Variants in STK40 observed in about 807,000 individuals in gnomAD.
STK40 encodes serine/threonine-protein kinase 40.
Under a neutral mutation model 47.9 loss-of-function variants are expected in STK40, and 13 were observed. The ratio of observed to expected loss-of-function variants is 0.27; its 90% CI spans 0.18 to 0.43. STK40 has a LOEUF of 0.43. Among genes scored for constraint, STK40 ranks in the 20% least tolerant of loss-of-function variants. The pLI is 1.00. For synonymous variants in STK40, 225 were observed against 243.2 expected (o/e 0.93, Z 0.69); for missense variants, 460 against 595.1 (o/e 0.77, Z 2.36).
intron 1 of STK40, among the ~76,000 whole-genome samples, chr1:36,379,342 C>T (rs555104392): frequency 3.3e-5 from 5 of 152,110 alleles, no homozygotes; most frequent in African/African-American, 4.8e-5. Context: ...CCTGAACTCA[C>T]ACCCAAGACT....
At position 36,340,627 on chromosome 1, in the gene STK40, G is replaced by C. The variant is rs1570428420; in HGVS notation, c.*1128C>G. 6.5e-6 allele frequency: 1 copy of C among 152,956 alleles called. No individual in the cohort carries two copies. The highest frequency in any genetic ancestry group is 2.1e-4 in the South Asian group (1 of 4,824). The allele number at this position is 152,956 out of a possible 1,614,324, so 9.5% of individuals were successfully genotyped here. On this transcript the variant is annotated 3_prime_UTR_variant, in exon 11 of 11. Transcript: ENST00000373132. ...GACGGGCATCCACTTCAAAATCTCG[G>C]CTCAAAAGGGCAGCAGGGCTGTTCT...
intron 2 of STK40, 95 bp downstream of exon 2, chr1:36,361,126 C>A (rs1218249699): frequency 6.8e-7 from 1 of 1,476,658 alleles, no homozygotes; most frequent in Non-Finnish European, 9.3e-7. Context: ...GGGTGGGCCA[C>A]CTCACTCTGA....
At chr1:36,357,656 A>G (rs1045299697) in intron 4 of STK40, among the ~76,000 whole-genome samples, 5 of 151,938 alleles carry the variant, frequency 3.3e-5, no homozygotes, top group Non-Finnish European at 5.9e-5. Flanking sequence ...TCGCTCTGTC[A>G]CCCAGGCTGG....
At chr1:36,361,935 T>C (rs956215428) in intron 1 of STK40, among the ~76,000 whole-genome samples, 5 of 152,174 alleles carry the variant, frequency 3.3e-5, no homozygotes, top group Non-Finnish European at 7.3e-5. Context: ...TCCTTGACTC[T>C]CTGGTCCTCT....
intron 1 of STK40, among the ~76,000 whole-genome samples, chr1:36,376,229 C>T (rs559818038): frequency 1.2e-3 from 179 of 152,220 alleles, no homozygotes; most frequent in Non-Finnish European, 2.3e-3. Context: ...CGGCAGATCA[C>T]GAGGGCCAGC....
intron 10 of STK40, chr1:36,342,313 T>C (rs1646656854): frequency 3.0e-6 from 1 of 335,658 alleles, no homozygotes; most frequent in Non-Finnish European, 5.7e-6. Context: ...AGGCGGCTAA[T>C]GCACGTCAAG....
At chr1:36,374,780 G>A (rs865784619) in intron 1 of STK40, among the ~76,000 whole-genome samples, 52 of 152,324 alleles carry the variant, frequency 3.4e-4, no homozygotes, top group Middle Eastern at 3.4e-3. Flanking sequence ...AGTGACGGCA[G>A]ACTGAGTCAC....
Position 36,355,331 on chromosome 1 carries a change from A to G in STK40, c.445T>C (p.Phe149Leu). Residue 149 changes from phenylalanine (F) to leucine (L), a missense_variant, in exon 5 of 11, where the codon TTC becomes CTC. Physicochemically the swap from Phe to Leu is conservative, Grantham distance 22. Around this residue, in one of 3 missense-constraint regions of STK40, gnomAD observed 277 missense variants for 358.7 expected, o/e 0.77. Coordinates refer to ENST00000373132, the MANE Select transcript of STK40 (RefSeq NM_001282547.2). ...ATGAGGTCAGCGGTCTTATCGCTGA[A>G]GTCATGAGCACAGAGGCAGTCCAGG... ...LVLDCLCAHD[F>L]SDKTADLINL... The G allele has an allele frequency of 6.2e-7, 1 of 1,614,144 alleles. No individual in the cohort carries two copies. The highest frequency in any genetic ancestry group is 8.5e-7 in the Non-Finnish European group (1 of 1,180,020).
intron 1 of STK40, among the ~76,000 whole-genome samples, chr1:36,369,950 C>T (rs1207939476): frequency 2.6e-5 from 4 of 152,206 alleles, no homozygotes; most frequent in African/African-American, 7.2e-5. Context: ...AAACTCTGTC[C>T]AAGGAGGGGC....
chr1:36,371,461 G>A (rs1646946309), intron 1 of STK40, among the ~76,000 whole-genome samples: 1 of 151,718 alleles, frequency 6.6e-6, no homozygotes, highest in South Asian at 2.1e-4. Context: ...GGCTGAGGCA[G>A]GAGAATGGCG....
intron 3 of STK40, 82 bp downstream of exon 3, chr1:36,358,655 G>A (rs1327647824): frequency 2.1e-6 from 3 of 1,440,054 alleles, no homozygotes; most frequent in African/African-American, 2.8e-5. Context: ...CAATGACGCA[G>A]GTGTGAAGGT....
chr1:36,376,802 ATTT>A (rs775004601), intron 1 of STK40, among the ~76,000 whole-genome samples: 2 of 144,836 alleles, frequency 1.4e-5, no homozygotes, highest in African/African-American at 2.5e-5. Flanking sequence ...TCTAGAAGAA[ATTT>A]TTTTTTTTTT....
chr1:36,358,723 C>A lies in STK40; in HGVS notation c.198+14G>T. The A allele has an allele frequency of 1.2e-6, 2 of 1,613,842 alleles. No individual in the cohort carries two copies. Among genetic ancestry groups the A allele is most frequent in the Non-Finnish European group, 1.7e-6 (2 of 1,179,780 alleles). ...CCTGTTCCTGAGGCACCCTCACCCCCATGTCTCACTTACCTTCAGCTGATA... is the reference window on the plus strand; with the variant it reads ...CCTGTTCCTGAGGCACCCTCACCCCAATGTCTCACTTACCTTCAGCTGATA... On this transcript the variant is annotated intron_variant, in intron 3 of 10. Transcript: ENST00000373132.
At position 36,351,293 on chromosome 1, in the gene STK40, T is replaced by C. The variant is rs373006725; in HGVS notation, c.624-2478A>G. 9.5e-5 allele frequency among the ~76,000 whole-genome samples: 14 copies of C among 147,898 alleles called. No homozygotes were observed. In the East Asian group the frequency reaches 1.3e-3, roughly 14 times the overall value. ...CAGCTGCCTTGCCAACACCTCCCCC[T>C]GTCTGCTCCTTGAGAGCTCTCTGCT... On this transcript the variant is annotated intron_variant, in intron 6 of 10. Coordinates refer to ENST00000373132, the MANE Select transcript of STK40 (RefSeq NM_001282547.2).
intron 6 of STK40, 92 bp from the exon 7 acceptor site, chr1:36,348,907 C>CT (rs1646727728): frequency 1.9e-6 from 2 of 1,043,868 alleles, no homozygotes; most frequent in Non-Finnish European, 2.9e-6. Context: ...GGCCAACACC[C>CT]AATCCTGAAC....
chr1:36,348,704 G>T lies in STK40; in HGVS notation c.735C>A (p.Leu245=). ...ATGTCTGGCACACACACGTACCGCT[G>T]AGCACGTCGGGACTGATGTAGGCAG... ...GSPAYISPDV[L]SGRPYRGKPS... The change falls in exon 7 of 11, where the codon CTC becomes CTA. Residue 245 remains leucine, a synonymous_variant. Transcript: ENST00000373132. 6.2e-7 allele frequency: 1 copy of T among 1,605,586 alleles called. No individual in the cohort carries two copies. Among genetic ancestry groups the T allele is most frequent in the East Asian group, 2.3e-5 (1 of 44,360 alleles).
intron 7 of STK40, 128 bp downstream of exon 7, chr1:36,348,572 T>G (rs965291036): frequency 9.3e-6 from 7 of 750,642 alleles, no homozygotes; most frequent in East Asian, 2.7e-5. Context: ...GGAGGGACAG[T>G]ACTGGTCTGG....
At chr1:36,357,684 T>G (rs750588486) in intron 4 of STK40, among the ~76,000 whole-genome samples, 1 of 152,184 alleles carries the variant, frequency 6.6e-6, no homozygotes, top group Non-Finnish European at 1.5e-5. Flanking sequence ...TGGCACAATC[T>G]TGGCTCACTG....
intron 1 of STK40, among the ~76,000 whole-genome samples, chr1:36,370,249 A>T (rs529305292): frequency 6.7e-4 from 102 of 152,248 alleles, no homozygotes; most frequent in Admixed American, 1.7e-3. Flanking sequence ...TCACTGATGA[A>T]GGGATGGACC....
Sources: gnomAD v4.1 joint callset for allele counts (sites outside exome capture counted in the v4.1 genomes callset) on GRCh38, gnomAD v4.1.1 for gene constraint, gnomAD v4.1.1 regional missense constraint, MANE v1.5 for transcripts, NCBI Gene and HGNC (gene_info 2026-07-23, HGNC 2026-07-21) for gene names.